KCNMB2: variants seen among roughly 807,000 people sequenced by gnomAD.
KCNMB2 encodes the protein calcium-activated potassium channel subunit beta-2.
Under a neutral mutation model 24.5 loss-of-function variants are expected in KCNMB2, and 9 were observed. The observed-to-expected ratio is 0.37, with a 90% CI of 0.22 to 0.64. The LOEUF (loss-of-function observed/expected upper bound fraction) is 0.64. Ranked by LOEUF, KCNMB2 falls within the 30% of genes least tolerant of loss-of-function variation. The probability of loss-of-function intolerance (pLI) is 0.63; values close to 1 mark genes in which losing one functional copy is unlikely to be tolerated. For synonymous variants in KCNMB2, 109 were observed against 104.4 expected, an observed-to-expected ratio of 1.04 and a Z score of -0.27; for missense variants, 226 against 284.3, an observed-to-expected ratio of 0.79 and a Z score of 1.47.
At chr3:178,645,220 T>A (rs986535095) in intron 1 of KCNMB2, among the ~76,000 whole-genome samples, 31 of 151,880 alleles carry the variant, frequency 2.0e-4, no homozygotes, top group Admixed American at 1.8e-3. Context: ...CCAGCTAAGT[T>A]TGTATTTTTA....
At chr3:178,765,102 A>T (rs1712060978) in intron 1 of KCNMB2, among the ~76,000 whole-genome samples, 1 of 152,226 alleles carries the variant, frequency 6.6e-6, no homozygotes, top group Admixed American at 6.5e-5. Context: ...TAAATTGTAC[A>T]CTATTGCTCA....
chr3:178,696,029 C>T (rs534393378), intron 1 of KCNMB2, among the ~76,000 whole-genome samples: 15 of 152,340 alleles, frequency 9.8e-5, no homozygotes, highest in African/African-American at 2.9e-4. Context: ...GTTTAATTGA[C>T]TCACAGTTCA....
At chr3:178,790,467 C>A (rs1022717938) in intron 1 of KCNMB2, among the ~76,000 whole-genome samples, 1 of 152,126 alleles carries the variant, frequency 6.6e-6, no homozygotes, top group African/African-American at 2.4e-5. Flanking sequence ...CTTCTGGGAT[C>A]CCCAATTCCA....
chr3:178,689,499 G>A (rs1039252584), intron 1 of KCNMB2, among the ~76,000 whole-genome samples: 1 of 152,088 alleles, frequency 6.6e-6, no homozygotes, highest in African/African-American at 2.4e-5. Flanking sequence ...AGCTGGGCGT[G>A]GTGGTGGGCG....
intron 1 of KCNMB2, among the ~76,000 whole-genome samples, chr3:178,660,514 T>G (rs1468240085): frequency 6.6e-6 from 1 of 152,098 alleles, no homozygotes; most frequent in Non-Finnish European, 1.5e-5. Context: ...CACAATAACT[T>G]AGAAATTCCA....
intron 1 of KCNMB2, among the ~76,000 whole-genome samples, chr3:178,722,968 A>G (rs1722856908): frequency 6.6e-6 from 1 of 152,160 alleles, no homozygotes; most frequent in African/African-American, 2.4e-5. Context: ...CATTCAAACC[A>G]TAACAGTGTC....
chr3:178,647,987 ATT>A (rs1317340638), intron 1 of KCNMB2, among the ~76,000 whole-genome samples: 1 of 152,040 alleles, frequency 6.6e-6, no homozygotes, highest in African/African-American at 2.4e-5. Flanking sequence ...TACAGTACAT[ATT>A]GTCTTTTCTT....
intron 1 of KCNMB2, among the ~76,000 whole-genome samples, chr3:178,600,489 T>A (rs1403409479): frequency 6.6e-6 from 1 of 152,228 alleles, no homozygotes; most frequent in African/African-American, 2.4e-5. Context: ...ATACATTGAC[T>A]TTTAATAAGT....
At chr3:178,715,473 A>G (rs1462832511) in intron 1 of KCNMB2, among the ~76,000 whole-genome samples, 1 of 151,704 alleles carries the variant, frequency 6.6e-6, no homozygotes, top group Non-Finnish European at 1.5e-5. Context: ...ATTCCTCTGA[A>G]GTTCACCTTC....
chr3:178,813,948 CGTTGTTGTTGTTGTT>C (rs201495357), intron 2 of KCNMB2, among the ~76,000 whole-genome samples: 11 of 149,590 alleles, frequency 7.4e-5, no homozygotes, highest in Admixed American at 5.3e-4. Flanking sequence ...AACTTCACTA[CGTTGTTGTTGTTGTT>C]GTTGTTGTTG....
At chr3:178,838,281 T>G (rs942667620) in intron 4 of KCNMB2, among the ~76,000 whole-genome samples, 1 of 152,126 alleles carries the variant, frequency 6.6e-6, no homozygotes, top group African/African-American at 2.4e-5. Flanking sequence ...CAAAGTCCAG[T>G]TTTCATACTA....
rs78180631 is a variant in KCNMB2, at chr3:178,828,776, C to A, written c.423+403C>A. Among the ~76,000 whole-genome samples, 1,093 of 152,278 alleles carry A rather than the reference C, an allele frequency of 7.2e-3. 4 individuals are homozygous for A. Among genetic ancestry groups the A allele is most frequent in the Middle Eastern group, 0.031 (9 of 294 alleles). On this transcript the variant is annotated intron_variant, in intron 4 of 4. Coordinates refer to ENST00000452583, the MANE Select transcript of KCNMB2 (RefSeq NM_181361.3). ...TGTCCATGGTCAATGTCATTTAGTTCTGTGACCTCAGGGATATAACAACCT... is the reference window on the plus strand; with the variant it reads ...TGTCCATGGTCAATGTCATTTAGTTATGTGACCTCAGGGATATAACAACCT...
At chr3:178,618,420 C>T (rs749817473) in intron 1 of KCNMB2, among the ~76,000 whole-genome samples, 11 of 152,126 alleles carry the variant, frequency 7.2e-5, no homozygotes, top group Non-Finnish European at 1.3e-4. Flanking sequence ...ATCATCCTGC[C>T]CTAATCCTTC....
At chr3:178,778,609 C>T (rs968422131) in intron 1 of KCNMB2, among the ~76,000 whole-genome samples, 3 of 152,148 alleles carry the variant, frequency 2.0e-5, no homozygotes, top group African/African-American at 7.2e-5. Flanking sequence ...ATCTTTCACC[C>T]TGAGGAACAC....
chr3:178,756,609 A>C (rs1006529823), intron 1 of KCNMB2, among the ~76,000 whole-genome samples: 2 of 152,128 alleles, frequency 1.3e-5, no homozygotes, highest in Non-Finnish European at 2.9e-5. Context: ...CCTCAGAACA[A>C]TGTTGTCCAT....
intron 2 of KCNMB2, among the ~76,000 whole-genome samples, chr3:178,816,347 A>G (rs1714403363): frequency 6.6e-6 from 1 of 151,796 alleles, no homozygotes; most frequent in Non-Finnish European, 1.5e-5. Context: ...ATAGTTTTTA[A>G]TTCCTGATAC....
intron 1 of KCNMB2, among the ~76,000 whole-genome samples, chr3:178,561,251 C>A (rs1156609558): frequency 1.3e-5 from 2 of 152,124 alleles, no homozygotes; most frequent in African/African-American, 4.8e-5. Context: ...CTATTAAGCA[C>A]AGAGCTACAG....
At chr3:178,549,309 CT>C (rs34705538) in intron 1 of KCNMB2, among the ~76,000 whole-genome samples, 4,117 of 136,826 alleles carry the variant, frequency 0.03, 113 homozygotes, top group African/African-American at 0.077. Flanking sequence ...CTTTTATTTT[CT>C]TTTTTTTTTT....
At chr3:178,640,956 C>A (rs1422634466) in intron 1 of KCNMB2, among the ~76,000 whole-genome samples, 2 of 152,100 alleles carry the variant, frequency 1.3e-5, no homozygotes, top group East Asian at 3.9e-4. Flanking sequence ...AAAAGACTAC[C>A]TTTCCTCCAT....
Sources: allele counts gnomAD v4.1 joint callset (sites outside exome capture counted in the v4.1 genomes callset), GRCh38; gene constraint gnomAD v4.1.1; transcripts MANE v1.5; gene names NCBI Gene and HGNC (gene_info 2026-07-23, HGNC 2026-07-21).